MAEA: variants seen among roughly 807,000 people sequenced by gnomAD.
MAEA encodes E3 ubiquitin-protein transferase MAEA.
MAEA carries 22 observed loss-of-function variants against 46.2 expected under a neutral mutation model. The ratio of observed to expected loss-of-function variants is 0.48; its 90% confidence interval spans 0.34 to 0.68. The LOEUF (loss-of-function observed/expected upper bound fraction) is 0.68. Ranked by LOEUF, MAEA falls within the 30% of genes least tolerant of loss-of-function variation. MAEA has a pLI of 0.01. For missense variants in MAEA, 393 were observed against 558.1 expected, an observed-to-expected ratio of 0.70 and a Z score of 2.98; for synonymous variants, 246 against 222.6, an observed-to-expected ratio of 1.11 and a Z score of -0.94.
chr4:1,304,528 C>T (rs942674967), intron 1 of MAEA, among the ~76,000 whole-genome samples: 5 of 152,326 alleles, frequency 3.3e-5, no homozygotes, highest in African/African-American at 1.2e-4. Context: ...GCAAGCTCCG[C>T]CTCTTGGGTT....
intron 7 of MAEA, chr4:1,337,231 C>A: frequency 1.8e-6 from 1 of 550,280 alleles, no homozygotes; most frequent in Non-Finnish European, 3.2e-6. Flanking sequence ...CTCATCATCT[C>A]AGAGGCCGCC....
Position 1,310,162 on chromosome 4 carries a change from G to A in MAEA, c.70-1817G>A, listed in dbSNP as rs371300258. On this transcript the variant is annotated intron_variant, in intron 1 of 8. Transcript: ENST00000303400. ...CGTCCTTTAGAAATTCCACCTCGTG[G>A]CAGGACACACTCAGATAGGGTCTCC... Among the ~76,000 whole-genome samples the A allele has an allele frequency of 6.0e-5, 9 of 150,342 alleles. No individual in the cohort carries two copies. In the East Asian group the frequency reaches 1.7e-3, roughly 29 times the overall value.
intron 6 of MAEA, among the ~76,000 whole-genome samples, chr4:1,336,403 C>T (rs903953239): frequency 8.6e-5 from 13 of 152,004 alleles, no homozygotes; most frequent in East Asian, 1.9e-4. Context: ...ACTCACCCCA[C>T]AGCATGTTGA....
intron 4 of MAEA, among the ~76,000 whole-genome samples, chr4:1,322,791 C>G (rs1389710461): frequency 6.6e-6 from 1 of 152,124 alleles, no homozygotes; most frequent in African/African-American, 2.4e-5. Context: ...GGCTGCTGGG[C>G]TTAGAGCCTG....
At chr4:1,326,921 G>C (rs9684016) in intron 4 of MAEA, among the ~76,000 whole-genome samples, 18,670 of 140,722 alleles carry the variant, frequency 0.13, 1,755 homozygotes, top group East Asian at 0.35. Context: ...CCTGCCTGCT[G>C]CAAGCTTGCT....
intron 6 of MAEA, among the ~76,000 whole-genome samples, chr4:1,336,040 C>T (rs1712710975): frequency 7.5e-6 from 1 of 133,134 alleles, no homozygotes; most frequent in Non-Finnish European, 1.6e-5. Context: ...AAGTCAGCAC[C>T]TGCCCTGCAG....
chr4:1,315,744 C>T (rs1737050976), intron 3 of MAEA, 144 bp downstream of exon 3: 2 of 558,940 alleles, frequency 3.6e-6, no homozygotes, highest in East Asian at 3.5e-5. Context: ...GTGTTCCCCT[C>T]CCCCCACCCC....
At chr4:1,306,818 C>A (rs1417848045) in intron 1 of MAEA, among the ~76,000 whole-genome samples, 1 of 152,176 alleles carries the variant, frequency 6.6e-6, no homozygotes, top group African/African-American at 2.4e-5. Context: ...AGGAGTTTCA[C>A]AGTTTGAGCT....
At position 1,334,841 on chromosome 4, in the gene MAEA, C is replaced by A. The variant is rs1712537680; in HGVS notation, c.765+1976C>A. The A allele has an allele frequency of 5.1e-6, 5 of 985,016 alleles. No homozygotes were observed. In the South Asian group the frequency reaches 2.3e-4, roughly 46 times the overall value. The allele number at this position is 985,016 out of a possible 1,614,324, so 61.0% of individuals were successfully genotyped here. A position where few individuals can be genotyped will look rare whatever the true frequency, so the allele number is the denominator to read the frequency against. On this transcript the variant is annotated intron_variant, in intron 6 of 8. Coordinates refer to ENST00000303400, the MANE Select transcript of MAEA (RefSeq NM_001017405.3). ...TGAGGATGCCAGGAGCTGTTCTTCT[C>A]AGTGAGGACCTTCTGGACTGTGGGC...
intron 2 of MAEA, among the ~76,000 whole-genome samples, chr4:1,313,805 G>A (rs1015437307): frequency 1.3e-5 from 2 of 151,976 alleles, no homozygotes; most frequent in Non-Finnish European, 2.9e-5. Flanking sequence ...CACTTTGGAA[G>A]GGCGAGGCAG....
At chr4:1,328,977 G>C in intron 5 of MAEA, 1 of 992,332 alleles carries the variant, frequency 1.0e-6, no homozygotes, top group South Asian at 4.4e-5. Context: ...AAGAGGAGGG[G>C]CTCCCGCTCT....
intron 4 of MAEA, 70 bp from the exon 5 acceptor site, chr4:1,327,557 G>A: frequency 9.6e-7 from 1 of 1,046,062 alleles, no homozygotes; most frequent in Non-Finnish European, 1.5e-6. Context: ...TGGACATGCG[G>A]GTGCGGCACC....
intron 1 of MAEA, among the ~76,000 whole-genome samples, chr4:1,295,698 CA>C: frequency 8.8e-6 from 1 of 114,118 alleles, no homozygotes; most frequent in African/African-American, 3.5e-5. Context: ...CCCCCTCACC[CA>C]CACCTGTACC....
chr4:1,332,126 GC>G (rs1449324424), intron 5 of MAEA: 1 of 152,566 alleles, frequency 6.6e-6, no homozygotes, highest in Non-Finnish European at 1.5e-5. Flanking sequence ...GTCCGTGGGG[GC>G]GAGCATCTGG....
At chr4:1,315,219 G>T (rs974971706) in intron 2 of MAEA, among the ~76,000 whole-genome samples, 178 bp from the exon 3 acceptor site, 1 of 152,190 alleles carries the variant, frequency 6.6e-6, no homozygotes, top group Non-Finnish European at 1.5e-5. Flanking sequence ...GCCTCCGTCT[G>T]CAGCTCTTGG....
At chr4:1,303,533 G>A (rs533794317) in intron 1 of MAEA, among the ~76,000 whole-genome samples, 10 of 152,270 alleles carry the variant, frequency 6.6e-5, no homozygotes, top group Non-Finnish European at 1.2e-4. Flanking sequence ...GTCGCTGTAT[G>A]CCACATCACA....
chr4:1,289,904 C>A lies in MAEA; in HGVS notation c.-10C>A, dbSNP rs770765223. 5.0e-6 allele frequency: 8 copies of A among 1,592,808 alleles called. No homozygotes were observed. The Admixed American group carries it at 1.2e-4, about 24-fold the overall frequency. On this transcript the variant is annotated 5_prime_UTR_variant, in exon 1 of 9. Coordinates refer to ENST00000303400, the MANE Select transcript of MAEA (RefSeq NM_001017405.3). The stretch of plus-strand genomic sequence containing the variant: ...CGTCCCCCGCCCGCTAATGTTTTGG[C>A]CGCTTCAAGATGGCGGTGCAGGAGT...
In MAEA at chr4:1,311,368, TAAC is replaced by T. The variant is rs898922613; in HGVS notation, c.70-607_70-605del. 6.6e-6 allele frequency among the ~76,000 whole-genome samples: 1 copy of T among 152,250 alleles called. No individual in the cohort carries two copies. Among genetic ancestry groups the T allele is most frequent in the African/African-American group, 2.4e-5 (1 of 41,462 alleles). On this transcript the variant is annotated intron_variant, in intron 1 of 8. Transcript: ENST00000303400. This position sits in a 1 kb window ranked among gnomAD's most constrained non-coding sequence, Gnocchi z 4.4. ...CGCTTCTCTCAGAGGGACAGAAAACTAACAACGACTTTAAGATTCTCCTTGATT... is the reference window on the plus strand; with the variant it reads ...CGCTTCTCTCAGAGGGACAGAAAACTAACGACTTTAAGATTCTCCTTGATT...
At chr4:1,300,397 A>G (rs748706894) in intron 1 of MAEA, among the ~76,000 whole-genome samples, 3 of 152,242 alleles carry the variant, frequency 2.0e-5, no homozygotes, top group Non-Finnish European at 4.4e-5. Flanking sequence ...TAACTGCCAA[A>G]GTTGTGACCT....
Sources: gnomAD v4.1 joint callset for allele counts (sites outside exome capture counted in the v4.1 genomes callset) on GRCh38, gnomAD v4.1.1 for gene constraint, Gnocchi (gnomAD v3.1) non-coding constraint, MANE v1.5 for transcripts, NCBI Gene and HGNC (gene_info 2026-07-23, HGNC 2026-07-21) for gene names.